CD300A: variants seen among roughly 807,000 people sequenced by gnomAD.
CD300A encodes the protein CD300a molecule.
CD300A carries 22 observed loss-of-function variants against 33.6 expected under a neutral mutation model. The ratio of observed to expected loss-of-function variants is 0.66; its 90% CI spans 0.47 to 0.94. CD300A has a LOEUF of 0.94. Ranked by LOEUF, CD300A falls within the 40% of genes least tolerant of loss-of-function variation. The pLI, the probability that CD300A is intolerant of heterozygous loss-of-function variation, is 0.00. For synonymous variants in CD300A, 136 were observed against 148.1 expected (o/e 0.92, Z 0.59); for missense variants, 326 against 360.5 (o/e 0.90, Z 0.77).
intron 4 of CD300A, 114 bp from the exon 5 acceptor site, chr17:74,481,175 A>G (rs1278084749): frequency 2.3e-6 from 2 of 886,568 alleles, no homozygotes; most frequent in Non-Finnish European, 3.7e-6. Context: ...CTGAAGGGAT[A>G]GGTCCCCAGG....
intron 1 of CD300A, 191 bp downstream of exon 1, chr17:74,466,934 C>T (rs1174020339): frequency 2.1e-6 from 3 of 1,445,596 alleles, no homozygotes; most frequent in East Asian, 2.5e-5. Flanking sequence ...GGAGCCAGGG[C>T]CTCTCCCGGC....
intron 1 of CD300A, among the ~76,000 whole-genome samples, chr17:74,468,009 T>TTTATTTATTTA (rs1905838442): frequency 6.8e-6 from 1 of 146,346 alleles, no homozygotes; most frequent in South Asian, 2.2e-4. Context: ...GCATTTTTAC[T>TTTATTTATTTA]TTTATTTATT....
intron 4 of CD300A, among the ~76,000 whole-genome samples, chr17:74,479,013 A>G (rs907128945): frequency 4.6e-5 from 7 of 152,124 alleles, no homozygotes; most frequent in African/African-American, 1.7e-4. Context: ...CCTTTCACCC[A>G]GAAAGTCTCT....
chr17:74,466,799 A>C, intron 1 of CD300A, 56 bp downstream of exon 1: 1 of 1,555,990 alleles, frequency 6.4e-7, no homozygotes, highest in Non-Finnish European at 8.7e-7. Context: ...TGCGAGGGGC[A>C]GGGCCGCAGG....
intron 6 of CD300A, among the ~76,000 whole-genome samples, chr17:74,482,162 C>T (rs1178571823): frequency 6.8e-6 from 1 of 146,434 alleles, no homozygotes; most frequent in African/African-American, 2.5e-5. Flanking sequence ...CTCATCATCT[C>T]TTTGACATCA....
intron 5 of CD300A, 107 bp from the exon 6 acceptor site, chr17:74,481,619 G>A (rs1598109129): frequency 1.3e-6 from 1 of 799,224 alleles, no homozygotes; most frequent in Non-Finnish European, 2.1e-6. Flanking sequence ...GGGAAGGTGG[G>A]GGCTGAGGTG....
intron 5 of CD300A, 83 bp downstream of exon 5, chr17:74,481,409 C>T: frequency 7.7e-7 from 1 of 1,302,842 alleles, no homozygotes; most frequent in East Asian, 2.3e-5. Flanking sequence ...GTCCCATCGG[C>T]CAACGGAGGT....
At chr17:74,478,114 C>T (rs1046596683) in intron 4 of CD300A, among the ~76,000 whole-genome samples, 3 of 152,238 alleles carry the variant, frequency 2.0e-5, no homozygotes, top group Non-Finnish European at 2.9e-5. Flanking sequence ...CCTCTCCTCT[C>T]CTTCTGGGTT....
chr17:74,473,923 T>C (rs1478803681), intron 2 of CD300A, 49 bp downstream of exon 2: 1 of 1,577,792 alleles, frequency 6.3e-7, no homozygotes, highest in East Asian at 2.2e-5. Flanking sequence ...GTTGGAATTG[T>C]TGGGGCAGGA....
rs747761277 is a variant in CD300A at position 74,466,718 on chromosome 17, G to A, written c.15G>A (p.Trp5Ter). 6.3e-7 allele frequency: 1 copy of A among 1,596,996 alleles called. No homozygotes were observed. The highest frequency in any genetic ancestry group is 1.1e-5 in the South Asian group (1 of 88,076). Residue 5 changes from tryptophan to a stop codon, truncating the protein, a stop_gained, in exon 1 of 7, where the codon TGG becomes TGA. Coordinates refer to ENST00000360141, the MANE Select transcript of CD300A (RefSeq NM_007261.4). LOFTEE classifies it high-confidence loss of function. MWLP[W>*]ALLLLWVPGC... ...GGGAAGGGACCATGTGGCTGCCTTGGGCTCTGTTGCTTCTCTGGGTCCCAG... is the reference window on the plus strand; with the variant it reads ...GGGAAGGGACCATGTGGCTGCCTTGAGCTCTGTTGCTTCTCTGGGTCCCAG...
intron 2 of CD300A, 89 bp downstream of exon 2, chr17:74,473,963 T>TGC (rs1441731070): frequency 5.2e-6 from 7 of 1,355,594 alleles, no homozygotes; most frequent in Non-Finnish European, 7.2e-6. Context: ...GCAGACAGTG[T>TGC]GTGTGTGTGT....
rs576149577 is a variant in CD300A at position 74,473,893 on chromosome 17, C to G, written c.379+19C>G. On this transcript the variant is annotated intron_variant, in intron 2 of 6. Transcript: ENST00000360141. ...TTCCCGGGTGAGCCCCTCCTTCCCT[C>G]AGCGCCTAAATAGGCTCAGGTTGGA... The G allele has an allele frequency of 1.9e-6, 3 of 1,603,616 alleles. No individual in the cohort carries two copies. Among genetic ancestry groups the G allele is most frequent in the East Asian group, 2.2e-5 (1 of 44,682 alleles).
chr17:74,467,012 C>G (rs1285489971), intron 1 of CD300A: 2 of 1,355,616 alleles, frequency 1.5e-6, no homozygotes, highest in African/African-American at 3.0e-5. Flanking sequence ...AGAAAAGGGA[C>G]CTTTTAGGTT....
chr17:74,477,165 G>A (rs921997120), intron 3 of CD300A, among the ~76,000 whole-genome samples: 1 of 151,960 alleles, frequency 6.6e-6, no homozygotes. Flanking sequence ...TCAGGAGTCT[G>A]AGACCATCCT....
intron 1 of CD300A, chr17:74,469,958 G>T: frequency 2.0e-6 from 2 of 985,400 alleles, no homozygotes; most frequent in Non-Finnish European, 2.4e-6. Context: ...CGTGAAAGAT[G>T]ACCTGGTTCT....
At chr17:74,468,226 C>T (rs1232999224) in intron 1 of CD300A, among the ~76,000 whole-genome samples, 1 of 151,872 alleles carries the variant, frequency 6.6e-6, no homozygotes, top group Admixed American at 6.6e-5. Context: ...TAGAGATGGG[C>T]TTTCTCCATG....
chr17:74,483,251 C>T (rs942139814), intron 6 of CD300A, among the ~76,000 whole-genome samples: 1 of 152,212 alleles, frequency 6.6e-6, no homozygotes. Context: ...CAACGCAGTA[C>T]CCCTGTACTG....
intron 6 of CD300A, among the ~76,000 whole-genome samples, chr17:74,482,851 C>G (rs1907000784): frequency 6.6e-6 from 1 of 151,304 alleles, no homozygotes; most frequent in Admixed American, 6.6e-5. Context: ...GCTGGGACTA[C>G]AGACACCTGC....
intron 1 of CD300A, among the ~76,000 whole-genome samples, chr17:74,472,755 G>T (rs552681681): frequency 6.6e-6 from 1 of 152,094 alleles, no homozygotes; most frequent in Admixed American, 6.5e-5. Flanking sequence ...AATTACAGGC[G>T]CATGCCACCA....
Sources: allele counts gnomAD v4.1 joint callset (sites outside exome capture counted in the v4.1 genomes callset), GRCh38; gene constraint gnomAD v4.1.1; transcripts MANE v1.5; gene names NCBI Gene and HGNC (gene_info 2026-07-23, HGNC 2026-07-21).